The following C10orf53 variants were observed in gnomAD, a reference collection of about 807,000 sequenced individuals.
C10orf53 encodes chromosome 10 open reading frame 53, also known as UPF0728 protein C10orf53.
Under a neutral mutation model 9.4 loss-of-function variants are expected in C10orf53, and 8 were observed. That is an observed-to-expected ratio of 0.85 (90% CI 0.50 to 1.53). C10orf53 has a LOEUF of 1.53. Ranked by LOEUF, C10orf53 falls within the 40% of genes most tolerant of loss-of-function variation. C10orf53 has a pLI of 0.00. For missense variants in C10orf53, 117 were observed against 117.8 expected (o/e 0.99, Z 0.03); for synonymous variants, 48 against 46.0 (o/e 1.04, Z -0.18).
At chr10:49,705,817 C>G (rs186872516) in intron 2 of C10orf53, among the ~76,000 whole-genome samples, 3 of 151,040 alleles carry the variant, frequency 2.0e-5, no homozygotes, top group African/African-American at 7.3e-5. Flanking sequence ...CAAAGAACAC[C>G]ACCAAGAAAA....
Position 49,697,185 on chromosome 10 carries a change from C to T in C10orf53, c.*2583C>T, listed in dbSNP as rs1220552096. 6.6e-6 allele frequency among the ~76,000 whole-genome samples: 1 copy of T among 152,116 alleles called. No homozygotes were observed. The highest frequency in any genetic ancestry group is 1.5e-5 in the Non-Finnish European group (1 of 68,026). Reference sequence around the variant, plus strand: ...TCCAGCCTGGGTGACAAAGTGAGACCCTGTCTCAGAAAATAAAATAAAGAT... The same window carrying T: ...TCCAGCCTGGGTGACAAAGTGAGACTCTGTCTCAGAAAATAAAATAAAGAT... On this transcript the variant is annotated 3_prime_UTR_variant, in exon 3 of 3. Coordinates refer to ENST00000374111, the MANE Select transcript of C10orf53 (RefSeq NM_001042427.3).
At position 49,679,731 on chromosome 10, in the gene C10orf53, G is replaced by A. The variant is rs1174249882; in HGVS notation, c.34G>A (p.Gly12Arg). ...GAACGCAGTGGTCATCCTGCGCTAT[G>A]GGCCCTACAGCGCGGCAGGCCTACC... is the stretch of plus-strand genomic sequence containing the variant. The part of the protein sequence containing the change: ...PKNAVVILRY[G>R]PYSAAGLPVE... Residue 12 changes from glycine to arginine, a missense_variant, in exon 1 of 3, where the codon GGG becomes AGG. Gly to Arg is a moderately radical substitution (Grantham distance 125). Coordinates refer to ENST00000374111, the MANE Select transcript of C10orf53 (RefSeq NM_001042427.3). The A allele has an allele frequency of 6.5e-7, 1 of 1,548,166 alleles. No individual in the cohort carries two copies. The highest frequency in any genetic ancestry group is 1.2e-5 in the South Asian group (1 of 83,782).
chr10:49,683,606 G>A (rs1440174524), intron 1 of C10orf53, among the ~76,000 whole-genome samples: 1 of 152,076 alleles, frequency 6.6e-6, no homozygotes, highest in Non-Finnish European at 1.5e-5. Context: ...TGGGCATGGT[G>A]GCTCATACCT....
downstream of C10orf53, among the ~76,000 whole-genome samples, chr10:49,700,535 G>C (rs1840674169): frequency 6.6e-6 from 1 of 152,180 alleles, no homozygotes; most frequent in Admixed American, 6.5e-5. Context: ...AAATACTCCG[G>C]GTTGGCGGTT....
rs1356129922 is a variant in C10orf53, at chr10:49,696,436, C to T, written c.*1834C>T. On this transcript the variant is annotated 3_prime_UTR_variant, in exon 3 of 3. Coordinates refer to ENST00000374111, the MANE Select transcript of C10orf53 (RefSeq NM_001042427.3). Reference sequence around the variant, plus strand: ...CAGTGGAATCCTGTCTCCTCTAGCCCTGCAACCCCGGCATTAAACTGGTAA... The same window carrying T: ...CAGTGGAATCCTGTCTCCTCTAGCCTTGCAACCCCGGCATTAAACTGGTAA... Among the ~76,000 whole-genome samples the T allele has an allele frequency of 6.6e-6, 1 of 152,316 alleles. No homozygotes were observed. Among genetic ancestry groups the T allele is most frequent in the Middle Eastern group, 3.4e-3 (1 of 294 alleles).
At chr10:49,691,134 C>CT in intron 1 of C10orf53, among the ~76,000 whole-genome samples, 1 of 152,296 alleles carries the variant, frequency 6.6e-6, no homozygotes, top group Non-Finnish European at 1.5e-5. Flanking sequence ...GACTAGACAA[C>CT]CCCACAGCAG....
chr10:49,681,564 C>T (rs995902402), intron 1 of C10orf53, among the ~76,000 whole-genome samples: 1 of 152,046 alleles, frequency 6.6e-6, no homozygotes, highest in African/African-American at 2.4e-5. Flanking sequence ...ATTGGGATTG[C>T]CAAAACAAAA....
At chr10:49,700,574 C>T (rs1840674536), downstream of C10orf53, among the ~76,000 whole-genome samples, 2 of 152,160 alleles carry the variant, frequency 1.3e-5, no homozygotes, top group Admixed American at 1.3e-4. Flanking sequence ...TAGAGCATGG[C>T]CAGTAAACCA....
At chr10:49,683,798 A>G (rs1840502186) in intron 1 of C10orf53, among the ~76,000 whole-genome samples, 1 of 152,172 alleles carries the variant, frequency 6.6e-6, no homozygotes, top group South Asian at 2.1e-4. Flanking sequence ...CAGGAGGCTG[A>G]GGTGGAAGGA....
downstream of C10orf53, among the ~76,000 whole-genome samples, chr10:49,699,445 T>C (rs1014049316): frequency 6.6e-6 from 1 of 152,018 alleles, no homozygotes; most frequent in Non-Finnish European, 1.5e-5. Context: ...TCCTCCTGCC[T>C]TAGCCTCCCA....
At chr10:49,697,573 A>G (rs1840646726), downstream of C10orf53, among the ~76,000 whole-genome samples, 1 of 152,190 alleles carries the variant, frequency 6.6e-6, no homozygotes, top group African/African-American at 2.4e-5. Context: ...TTTGTTTTTG[A>G]GACAGTCTTG....
In C10orf53 at chr10:49,686,876, G is replaced by T. The variant is rs147502363; in HGVS notation, c.98-6898G>T. On this transcript the variant is annotated intron_variant, in intron 1 of 2. Transcript: ENST00000374111. ...TCTTTATTGCCCTTTGAAGCATGTG[G>T]TCCTTGTGACCTACTCCCTGTTGGT... Among the ~76,000 whole-genome samples, 60 of 152,248 alleles carry T rather than the reference G, an allele frequency of 3.9e-4. 2 individuals carry two copies. In the South Asian group the frequency reaches 8.5e-3, roughly 22 times the overall value.
downstream of C10orf53, among the ~76,000 whole-genome samples, chr10:49,702,342 C>A (rs931877606): frequency 6.6e-6 from 1 of 152,044 alleles, no homozygotes; most frequent in African/African-American, 2.4e-5. Context: ...GGTATTTGAT[C>A]AAACATTATT....
chr10:49,707,343 A>T (rs1332646983), intron 2 of C10orf53, among the ~76,000 whole-genome samples: 1 of 151,948 alleles, frequency 6.6e-6, no homozygotes, highest in Non-Finnish European at 1.5e-5. Context: ...AAGCTTTCCC[A>T]CTCCATCCCT....
chr10:49,699,603 G>A (rs1323637011), downstream of C10orf53, among the ~76,000 whole-genome samples: 1 of 152,122 alleles, frequency 6.6e-6, no homozygotes, highest in East Asian at 1.9e-4. Context: ...AGCATGGGAT[G>A]CTCCTTGCAG....
intron 1 of C10orf53, among the ~76,000 whole-genome samples, chr10:49,690,285 G>A (rs1840571399): frequency 6.6e-6 from 1 of 152,158 alleles, no homozygotes; most frequent in Admixed American, 6.6e-5. Context: ...TGTAATACCG[G>A]CAGCCAACAA....
intron 1 of C10orf53, among the ~76,000 whole-genome samples, chr10:49,688,744 G>T (rs1273549609): frequency 6.6e-6 from 1 of 151,926 alleles, no homozygotes; most frequent in Non-Finnish European, 1.5e-5. Flanking sequence ...GGGCTTCACA[G>T]CCGCTCCGCC....
At chr10:49,693,097 T>C (rs1590643627) in intron 1 of C10orf53, among the ~76,000 whole-genome samples, 2 of 152,198 alleles carry the variant, frequency 1.3e-5, no homozygotes, top group East Asian at 3.8e-4. Flanking sequence ...TTTGCTTATA[T>C]TGCATGTATT....
At chr10:49,700,312 G>A (rs55815164), downstream of C10orf53, among the ~76,000 whole-genome samples, 3 of 152,180 alleles carry the variant, frequency 2.0e-5, no homozygotes, top group Non-Finnish European at 4.4e-5. Context: ...AATGCACTGA[G>A]AGAAGTGGCA....
Sources: allele counts gnomAD v4.1 joint callset (sites outside exome capture counted in the v4.1 genomes callset), GRCh38; gene constraint gnomAD v4.1.1; transcripts MANE v1.5; gene names NCBI Gene and HGNC (gene_info 2026-07-23, HGNC 2026-07-21).